Variants in FGF14 observed in about 807,000 individuals in gnomAD.
FGF14 encodes the protein fibroblast growth factor homologous factor 4.
In FGF14, 5 loss-of-function variants were observed where a neutral mutation model predicts 25.5. That is an observed-to-expected ratio of 0.20 (90% CI 0.10 to 0.41). FGF14 has a LOEUF of 0.41. FGF14 is among the 10% of genes least tolerant of loss of function. FGF14 has a pLI of 1.00. For missense variants in FGF14, 222 were observed against 320.1 expected (o/e 0.69, Z 2.34); for synonymous variants, 138 against 118.3 (o/e 1.17, Z -1.08).
chr13:101,806,473 AAT>A (rs1491209367), intron 3 of FGF14, among the ~76,000 whole-genome samples: 17 of 151,748 alleles, frequency 1.1e-4, no homozygotes, highest in African/African-American at 4.1e-4. Context: ...ACATTGAGAA[AAT>A]TTTTTTTTTT....
chr13:102,091,055 T>C (rs896113600), intron 1 of FGF14, among the ~76,000 whole-genome samples: 5 of 152,214 alleles, frequency 3.3e-5, no homozygotes, highest in African/African-American at 1.2e-4. Flanking sequence ...ATGTAATATG[T>C]TAATAGTGAC....
At chr13:102,260,345 T>G (rs1229318219) in intron 1 of FGF14, among the ~76,000 whole-genome samples, 3 of 152,246 alleles carry the variant, frequency 2.0e-5, no homozygotes, top group African/African-American at 4.8e-5. Context: ...TTTTTTTTAC[T>G]GAAAGTTTGT....
At chr13:102,377,368 G>A (rs1242740294) in intron 1 of FGF14, among the ~76,000 whole-genome samples, 2 of 152,148 alleles carry the variant, frequency 1.3e-5, no homozygotes, top group Admixed American at 6.5e-5. Flanking sequence ...ATTTTTAGGT[G>A]TAAATAATTA....
chr13:102,299,993 G>C (rs1444357664), intron 1 of FGF14: 1 of 152,068 alleles, frequency 6.6e-6, no homozygotes, highest in South Asian at 2.1e-4. Context: ...TTCATCATTC[G>C]TGTGTTTGAA....
intron 1 of FGF14, among the ~76,000 whole-genome samples, chr13:102,180,495 T>C (rs1376845760): frequency 6.6e-6 from 1 of 151,974 alleles, no homozygotes; most frequent in East Asian, 1.9e-4. Context: ...GTATTTTTAG[T>C]AGAGATGGGG....
chr13:101,964,445 A>G (rs890549743), intron 1 of FGF14, among the ~76,000 whole-genome samples: 1 of 152,228 alleles, frequency 6.6e-6, no homozygotes, highest in African/African-American at 2.4e-5. Context: ...TATCCAGCCC[A>G]TGAAGAACAG....
intron 1 of FGF14, among the ~76,000 whole-genome samples, chr13:102,272,539 G>A (rs749497288): frequency 3.3e-5 from 5 of 152,160 alleles, no homozygotes; most frequent in Non-Finnish European, 5.9e-5. Context: ...AGGAACGGTA[G>A]TAATAATATC....
At chr13:101,801,084 C>G (rs2040842556) in intron 3 of FGF14, among the ~76,000 whole-genome samples, 1 of 152,160 alleles carries the variant, frequency 6.6e-6, no homozygotes, top group Admixed American at 6.5e-5. Context: ...TCTCAAAGAG[C>G]ACAAACTTGA....
At chr13:102,293,441 A>T (rs1203927911) in intron 1 of FGF14, 1 of 152,172 alleles carries the variant, frequency 6.6e-6, no homozygotes, top group East Asian at 1.9e-4. Flanking sequence ...ATTTGTCCTG[A>T]TCAGCACAGT....
intron 1 of FGF14, among the ~76,000 whole-genome samples, chr13:102,051,359 T>C (rs1053327857): frequency 1.1e-4 from 16 of 152,182 alleles, no homozygotes; most frequent in Admixed American, 8.5e-4. Context: ...CTGAGTATCA[T>C]TGCCATTACT....
intron 1 of FGF14, among the ~76,000 whole-genome samples, chr13:102,392,793 C>T (rs1003462470): frequency 2.0e-5 from 3 of 152,180 alleles, no homozygotes; most frequent in African/African-American, 7.2e-5. Context: ...CTGTCACTGC[C>T]TTATTCTGGA....
At chr13:101,990,370 C>T (rs575311756) in intron 1 of FGF14, among the ~76,000 whole-genome samples, 15 of 152,212 alleles carry the variant, frequency 9.9e-5, no homozygotes, top group African/African-American at 1.9e-4. Context: ...TAGTGGCATA[C>T]GCCTATATAG....
intron 1 of FGF14, among the ~76,000 whole-genome samples, chr13:102,323,000 A>C (rs1014104226): frequency 1.3e-5 from 2 of 152,102 alleles, no homozygotes; most frequent in Non-Finnish European, 2.9e-5. Flanking sequence ...TTACGCTAGC[A>C]TTTCTTAAAC....
chr13:101,759,367 G>C (rs2037863020), intron 3 of FGF14, among the ~76,000 whole-genome samples: 1 of 152,134 alleles, frequency 6.6e-6, no homozygotes, highest in South Asian at 2.1e-4. Context: ...GAGTGATCAG[G>C]ATGGCTAAAG....
chr13:101,878,433 G>T (rs921956757), intron 1 of FGF14, among the ~76,000 whole-genome samples: 7 of 152,122 alleles, frequency 4.6e-5, no homozygotes, highest in African/African-American at 1.7e-4. Context: ...TGGTATCATA[G>T]GTGAATGTGT....
chr13:101,831,995 TTACG>T (rs1206933701), intron 3 of FGF14, among the ~76,000 whole-genome samples: 1 of 152,054 alleles, frequency 6.6e-6, no homozygotes, highest in African/African-American at 2.4e-5. Context: ...CCAGTAAAGA[TTACG>T]TTATTAGAAA....
intron 3 of FGF14, among the ~76,000 whole-genome samples, chr13:101,849,243 G>C (rs925167930): frequency 3.3e-5 from 5 of 151,938 alleles, no homozygotes; most frequent in Non-Finnish European, 7.4e-5. Context: ...TTTAGAGTGG[G>C]AAAAGGGGGT....
At chr13:102,178,482 T>C (rs1429317864) in intron 1 of FGF14, among the ~76,000 whole-genome samples, 4 of 152,324 alleles carry the variant, frequency 2.6e-5, no homozygotes, top group African/African-American at 9.6e-5. Context: ...GGACTTTTAA[T>C]GTAACCATCG....
At chr13:102,205,323 A>G (rs1416724742) in intron 1 of FGF14, among the ~76,000 whole-genome samples, 1 of 152,232 alleles carries the variant, frequency 6.6e-6, no homozygotes, top group Non-Finnish European at 1.5e-5. Flanking sequence ...GATGATGCAC[A>G]TGGAATGCTT....
Sources: allele counts gnomAD v4.1 joint callset (sites outside exome capture counted in the v4.1 genomes callset), GRCh38; gene constraint gnomAD v4.1.1; transcripts MANE v1.5; gene names NCBI Gene and HGNC (gene_info 2026-07-23, HGNC 2026-07-21).